The following FBXO36 variants were observed in gnomAD, a reference collection of about 807,000 sequenced individuals.
FBXO36 encodes the protein F-box protein 36.
A neutral mutation model predicts 17.0 loss-of-function variants in FBXO36; 18 were observed. That is an observed-to-expected ratio of 1.06 (90% CI 0.73 to 1.57). The LOEUF (loss-of-function observed/expected upper bound fraction) is 1.57. Among genes scored for constraint, FBXO36 ranks in the 40% most tolerant of loss-of-function variants. FBXO36 has a pLI of 0.00. For synonymous variants in FBXO36, 83 were observed against 85.3 expected (o/e 0.97, Z 0.15); for missense variants, 229 against 221.9 (o/e 1.03, Z -0.20).
chr2:229,953,543 A>G (rs547158362), intron 1 of FBXO36, among the ~76,000 whole-genome samples: 1 of 151,568 alleles, frequency 6.6e-6, no homozygotes, highest in African/African-American at 2.4e-5. Flanking sequence ...TTGGCCAAGC[A>G]TAGTGGTACA....
At chr2:229,959,792 G>A (rs2077111268) in intron 1 of FBXO36, among the ~76,000 whole-genome samples, 1 of 151,828 alleles carries the variant, frequency 6.6e-6, no homozygotes, top group African/African-American at 2.4e-5. Flanking sequence ...CTTGCAGTGA[G>A]CCAAGATCGT....
chr2:229,963,146 A>G (rs1202505955), intron 1 of FBXO36, among the ~76,000 whole-genome samples: 1 of 150,460 alleles, frequency 6.6e-6, no homozygotes, highest in Admixed American at 6.6e-5. Flanking sequence ...GTTTGCTGCA[A>G]CCTCCGCCTC....
chr2:229,936,597 G>A (rs1041965557), intron 1 of FBXO36, among the ~76,000 whole-genome samples: 4 of 152,084 alleles, frequency 2.6e-5, no homozygotes, highest in Non-Finnish European at 4.4e-5. Context: ...AGCTGGGCAC[G>A]GTGGCTCACA....
intron 1 of FBXO36, among the ~76,000 whole-genome samples, chr2:229,950,528 G>A (rs1301465681): frequency 6.6e-6 from 1 of 151,686 alleles, no homozygotes; most frequent in African/African-American, 2.4e-5. Context: ...AGTAAGTTCT[G>A]TCTAAGGTCA....
chr2:229,964,956 A>ATAAAG (rs1483176147), intron 1 of FBXO36, among the ~76,000 whole-genome samples: 1 of 152,196 alleles, frequency 6.6e-6, no homozygotes, highest in African/African-American at 2.4e-5. Context: ...CATTTCTACT[A>ATAAAG]TAAAGGTCTT....
At chr2:229,999,931 G>T (rs1019721813) in intron 3 of FBXO36, among the ~76,000 whole-genome samples, 1 of 151,772 alleles carries the variant, frequency 6.6e-6, no homozygotes, top group African/African-American at 2.4e-5. Context: ...TCATCATTTA[G>T]CTCCCCAAAA....
chr2:229,960,487 T>G (rs1029358336), intron 1 of FBXO36, among the ~76,000 whole-genome samples: 3 of 151,558 alleles, frequency 2.0e-5, no homozygotes, highest in Non-Finnish European at 4.4e-5. Flanking sequence ...CTTTTTTTTT[T>G]GGGCGGGGGG....
At chr2:229,951,336 T>G (rs1393079425) in intron 1 of FBXO36, among the ~76,000 whole-genome samples, 3 of 151,854 alleles carry the variant, frequency 2.0e-5, no homozygotes, top group Non-Finnish European at 4.4e-5. Flanking sequence ...CTCCGCCTCC[T>G]GGGTTCAAGT....
At position 230,012,065 on chromosome 2, in the gene FBXO36, C is replaced by G. The variant is rs2077418568; in HGVS notation, c.*1181C>G. On this transcript the variant is annotated 3_prime_UTR_variant, in exon 4 of 4. Transcript: ENST00000283946. ...GGTTACAGAGCAAAGTAGCTTTCTA[C>G]TTCCACATCACATTATAATATAGCC... 1 of 152,176 alleles carries G rather than the reference C, an allele frequency of 6.6e-6. No homozygotes were observed. The allele number at this position is 152,176 out of a possible 1,614,324, so 9.4% of individuals were successfully genotyped here.
intron 1 of FBXO36, among the ~76,000 whole-genome samples, chr2:229,944,202 A>G (rs1026235341): frequency 6.6e-6 from 1 of 152,168 alleles, no homozygotes; most frequent in Non-Finnish European, 1.5e-5. Context: ...AGGCTAATAC[A>G]CCACCCTTCT....
intron 1 of FBXO36, among the ~76,000 whole-genome samples, chr2:229,947,237 C>T (rs2077031815): frequency 6.6e-6 from 1 of 152,062 alleles, no homozygotes; most frequent in African/African-American, 2.4e-5. Flanking sequence ...GGAAGTAAGG[C>T]AGGAAGGGTT....
intron 1 of FBXO36, among the ~76,000 whole-genome samples, chr2:229,955,773 G>T (rs2077084270): frequency 6.6e-6 from 1 of 152,154 alleles, no homozygotes; most frequent in South Asian, 2.1e-4. Flanking sequence ...GCATCATATG[G>T]ATTATGAACA....
chr2:230,006,055 C>A (rs1280710824), intron 3 of FBXO36, among the ~76,000 whole-genome samples: 1 of 149,422 alleles, frequency 6.7e-6, no homozygotes, highest in Non-Finnish European at 1.5e-5. Flanking sequence ...TCATAGAAAT[C>A]TTTAGATGTA....
At chr2:229,934,129 C>T (rs1017536322) in intron 1 of FBXO36, among the ~76,000 whole-genome samples, 4 of 151,890 alleles carry the variant, frequency 2.6e-5, no homozygotes, top group African/African-American at 7.3e-5. Flanking sequence ...CAGCCGGGTG[C>T]GGTGGCTCAC....
rs571613524 is a variant in FBXO36 at position 229,926,144 on chromosome 2, A to G, written c.96+3535A>G. 9.8e-3 allele frequency among the ~76,000 whole-genome samples: 1,453 copies of G among 149,000 alleles called. 24 individuals are homozygous for G. The highest frequency in any genetic ancestry group is 0.034 in the African/African-American group (1,354 of 39,790). ...TTCTCTTAAAAAAAAAAAAAAAAAA[A>G]AGGGGGGGCTGAGCACAGCTCATGC... On this transcript the variant is annotated intron_variant, in intron 1 of 3. Coordinates refer to ENST00000283946, the MANE Select transcript of FBXO36 (RefSeq NM_174899.5).
chr2:229,988,657 C>A (rs1249281664), intron 2 of FBXO36, among the ~76,000 whole-genome samples: 1 of 152,046 alleles, frequency 6.6e-6, no homozygotes, highest in African/African-American at 2.4e-5. Context: ...GCCTCAGCCT[C>A]CTGAGTAGCT....
intron 1 of FBXO36, among the ~76,000 whole-genome samples, chr2:229,952,791 C>T (rs2077063875): frequency 6.6e-6 from 1 of 152,158 alleles, no homozygotes; most frequent in African/African-American, 2.4e-5. Context: ...AATCCTGCAG[C>T]CTTGAGCTGT....
intron 1 of FBXO36, among the ~76,000 whole-genome samples, chr2:229,955,200 T>A (rs1464721554): frequency 6.6e-6 from 1 of 152,166 alleles, no homozygotes; most frequent in Non-Finnish European, 1.5e-5. Flanking sequence ...CAGCACTTTT[T>A]ATCTTTTCCT....
In FBXO36 at chr2:229,949,144, CT is replaced by C. The variant is rs199718239; in HGVS notation, c.96+26543del. 6.1e-3 allele frequency among the ~76,000 whole-genome samples: 928 copies of C among 152,034 alleles called. 6 individuals carry two copies. Among genetic ancestry groups the C allele is most frequent in the South Asian group, 0.012 (56 of 4,814 alleles). On this transcript the variant is annotated intron_variant, in intron 1 of 3. Coordinates refer to ENST00000283946, the MANE Select transcript of FBXO36 (RefSeq NM_174899.5). ...CACTGCGCCCAGCCTCAGGATGCCT[CT>C]TTTTTTTACATAAATGCCTGTCTGT...
Sources: gnomAD v4.1 joint callset for allele counts (sites outside exome capture counted in the v4.1 genomes callset) on GRCh38, gnomAD v4.1.1 for gene constraint, MANE v1.5 for transcripts, NCBI Gene and HGNC (gene_info 2026-07-23, HGNC 2026-07-21) for gene names.